The following HSP90AA1 variants were observed in gnomAD, a reference collection of about 807,000 sequenced individuals.
HSP90AA1 encodes the protein heat shock protein 90 alpha family class A member 1, also known as heat shock protein HSP 90-alpha.
A neutral mutation model predicts 73.3 loss-of-function variants in HSP90AA1; 18 were observed. The ratio of observed to expected loss-of-function variants is 0.25; its 90% CI spans 0.17 to 0.36. The LOEUF (loss-of-function observed/expected upper bound fraction) is 0.36. Ranked by LOEUF, HSP90AA1 falls within the 10% of genes least tolerant of loss-of-function variation. HSP90AA1 has a pLI of 1.00. For missense variants in HSP90AA1, 704 were observed against 874.2 expected (o/e 0.81, Z 2.45); for synonymous variants, 477 against 296.9 (o/e 1.61, Z -6.24).
intron 1 of HSP90AA1, among the ~76,000 whole-genome samples, chr14:102,138,291 C>T (rs1485640814): frequency 6.6e-6 from 1 of 151,834 alleles, no homozygotes; most frequent in Non-Finnish European, 1.5e-5. Flanking sequence ...TTAGATGATT[C>T]AAGATGCCAC....
intron 2 of HSP90AA1, among the ~76,000 whole-genome samples, chr14:102,095,515 G>A (rs1419656036): frequency 1.3e-5 from 2 of 152,224 alleles, no homozygotes; most frequent in African/African-American, 2.4e-5. Flanking sequence ...ACAGAGCAGA[G>A]GCAGCTCCCT....
rs757297941 is a variant in HSP90AA1 at position 102,085,019 on chromosome 14, T to C, written c.664-21A>G. On this transcript the variant is annotated intron_variant, in intron 4 of 10. Coordinates refer to ENST00000216281, the MANE Select transcript of HSP90AA1 (RefSeq NM_005348.4). ...TCCACCTTCAAAAGAAAACACGAAATCACATCACTGCTGCACTCCAGAACT... is the reference window on the plus strand; with the variant it reads ...TCCACCTTCAAAAGAAAACACGAAACCACATCACTGCTGCACTCCAGAACT... The C allele has an allele frequency of 1.9e-6, 3 of 1,613,806 alleles. No homozygotes were observed. In the Admixed American group the frequency reaches 5.0e-5, roughly 27 times the overall value.
upstream of HSP90AA1, among the ~76,000 whole-genome samples, chr14:102,089,133 C>A (rs1046610977): frequency 4.6e-5 from 7 of 152,246 alleles, no homozygotes; most frequent in Non-Finnish European, 7.4e-5. Context: ...GTTGGCCAGG[C>A]TGGTCTCGAA....
intron 1 of HSP90AA1, among the ~76,000 whole-genome samples, chr14:102,112,105 G>A (rs1182223605): frequency 6.6e-6 from 1 of 152,168 alleles, no homozygotes; most frequent in African/African-American, 2.4e-5. Flanking sequence ...TGAAGATTTT[G>A]TGGATAATTT....
At chr14:102,087,061 G>C (rs535963134), upstream of HSP90AA1, 1 of 985,270 alleles carries the variant, frequency 1.0e-6, no homozygotes, top group Admixed American at 6.2e-5. Flanking sequence ...CCACCCCCGC[G>C]CCTGCCTTAT....
upstream of HSP90AA1, among the ~76,000 whole-genome samples, chr14:102,088,832 C>T (rs1270757986): frequency 1.3e-5 from 2 of 152,318 alleles, no homozygotes; most frequent in East Asian, 1.9e-4. Flanking sequence ...ACCGCAGTTT[C>T]TGCCATTGCC....
At chr14:102,122,750 C>T (rs538622354) in intron 1 of HSP90AA1, among the ~76,000 whole-genome samples, 10 of 152,088 alleles carry the variant, frequency 6.6e-5, no homozygotes, top group Middle Eastern at 3.4e-3. Flanking sequence ...TCACTGCAAC[C>T]TCTGCCTCCT....
upstream of HSP90AA1, chr14:102,087,340 G>T: frequency 4.0e-6 from 1 of 252,308 alleles, no homozygotes; most frequent in Non-Finnish European, 6.2e-6. Flanking sequence ...GGGAAGGTCC[G>T]GGCGCCTTCT....
intron 1 of HSP90AA1, among the ~76,000 whole-genome samples, chr14:102,125,561 T>C (rs2049829751): frequency 6.6e-6 from 1 of 151,964 alleles, no homozygotes; most frequent in African/African-American, 2.4e-5. Context: ...GCCAAATACA[T>C]AAAATAAACA....
At chr14:102,082,948 G>T in intron 9 of HSP90AA1, 86 bp downstream of exon 9, 1 of 1,377,948 alleles carries the variant, frequency 7.3e-7, no homozygotes, top group Non-Finnish European at 1.0e-6. Flanking sequence ...GTTTTAAGTT[G>T]AAAACATGCG....
At chr14:102,137,488 G>T (rs931992517) in intron 1 of HSP90AA1, among the ~76,000 whole-genome samples, 14 of 151,368 alleles carry the variant, frequency 9.2e-5, no homozygotes, top group African/African-American at 3.4e-4. Context: ...ACCACGCCTG[G>T]CTAATTTTTG....
intron 9 of HSP90AA1, 136 bp downstream of exon 9, chr14:102,082,898 C>T (rs568499795): frequency 1.6e-5 from 14 of 892,462 alleles, no homozygotes; most frequent in South Asian, 5.5e-5. Context: ...GGATTGCAGG[C>T]GTGAGCCACC....
chr14:102,116,544 C>T (rs1368335973), intron 1 of HSP90AA1, among the ~76,000 whole-genome samples: 1 of 152,186 alleles, frequency 6.6e-6, no homozygotes, highest in Non-Finnish European at 1.5e-5. Context: ...CTGCCCCCAC[C>T]CTTGCATGGT....
At position 102,100,188 on chromosome 14, in the gene HSP90AA1, G is replaced by A. The variant is rs751898751; in HGVS notation, c.366+1687C>T. ...GGGTAGCAGAGCAAAACTCTGTCTC[G>A]AAAAAAAAAGAACTATAAATATTCA... On this transcript the variant is annotated intron_variant, in intron 2 of 11. Transcript: ENST00000334701. Among the ~76,000 whole-genome samples, 5 of 151,550 alleles carry A rather than the reference G, an allele frequency of 3.3e-5. 1 individual carries two copies. The highest frequency in any genetic ancestry group is 4.2e-4 in the South Asian group (2 of 4,818).
At chr14:102,082,667 C>A in intron 9 of HSP90AA1, 2 of 567,770 alleles carry the variant, frequency 3.5e-6, no homozygotes, top group Non-Finnish European at 6.3e-6. Flanking sequence ...ATCACCCAGG[C>A]TGGAGTGCAG....
At chr14:102,110,411 T>C (rs1398723229) in intron 1 of HSP90AA1, among the ~76,000 whole-genome samples, 3 of 123,218 alleles carry the variant, frequency 2.4e-5, no homozygotes, top group Admixed American at 2.2e-4. Context: ...GTTTTGTTTG[T>C]TTGTTTGTTT....
In HSP90AA1 at chr14:102,081,300, A is replaced by C; in HGVS notation, c.*412T>G. ...CATGCAGAATTGTCAACTACAGGGAATGAAAAGTTCAAAAAGTAGATCCTA... is the reference window on the plus strand; with the variant it reads ...CATGCAGAATTGTCAACTACAGGGACTGAAAAGTTCAAAAAGTAGATCCTA... On this transcript the variant is annotated 3_prime_UTR_variant, in exon 11 of 11. Transcript: ENST00000216281. 3.3e-6 allele frequency: 1 copy of C among 298,514 alleles called. No homozygotes were observed. Among genetic ancestry groups the C allele is most frequent in the East Asian group, 5.2e-5 (1 of 19,182 alleles). 18.5% of individuals were successfully genotyped at this position (298,514 alleles called of 1,614,324 possible).
Position 102,084,400 on chromosome 14 carries a change from C to G in HSP90AA1, c.1146G>C (p.Leu382=). ...DNCEELIPEY[L]NFIRGVVDSE... ...ATTATTTTTCCTATCTATACTTACTCAGATATTCAGGGATTAGCTCCTCAC... is the reference window on the plus strand; with the variant it reads ...ATTATTTTTCCTATCTATACTTACTGAGATATTCAGGGATTAGCTCCTCAC... Residue 382 remains leucine, a splice_region_variant and synonymous_variant, in exon 6 of 11, where the codon CTG becomes CTC. Transcript: ENST00000216281. The G allele has an allele frequency of 6.2e-7, 1 of 1,611,586 alleles. No homozygotes were observed. Among genetic ancestry groups the G allele is most frequent in the Non-Finnish European group, 8.5e-7 (1 of 1,177,696 alleles).
rs187480597 is a variant in HSP90AA1, at chr14:102,084,487, T to C, written c.1059A>G (p.Glu353=). The C allele has an allele frequency of 2.7e-5, 43 of 1,614,098 alleles. No homozygotes were observed. The Admixed American group carries it at 6.5e-4, about 24-fold the overall frequency. Reference sequence around the variant, plus strand: ...TGATGTTGTTCTTTTTCTTTCTGTTTTCAAACAGATCAAAAGGAGCACGTC... The same window carrying C: ...TGATGTTGTTCTTTTTCTTTCTGTTCTCAAACAGATCAAAAGGAGCACGTC... ...VPRRAPFDLF[E]NRKKKNNIKL... is the part of the protein sequence containing the mutation. Residue 353 remains glutamate (E), a synonymous_variant, in exon 6 of 11, where the codon GAA becomes GAG. Coordinates refer to ENST00000216281, the MANE Select transcript of HSP90AA1 (RefSeq NM_005348.4).
Sources: gnomAD v4.1 joint callset for allele counts (sites outside exome capture counted in the v4.1 genomes callset) on GRCh38, gnomAD v4.1.1 for gene constraint, MANE v1.5 for transcripts, NCBI Gene and HGNC (gene_info 2026-07-23, HGNC 2026-07-21) for gene names.